EML4: variants seen among roughly 807,000 people sequenced by gnomAD.
EML4 encodes the protein echinoderm microtubule-associated protein-like 4.
EML4 carries 72 observed loss-of-function variants against 129.0 expected under a neutral mutation model. That is an observed-to-expected ratio of 0.56 (90% CI 0.46 to 0.68). The LOEUF (loss-of-function observed/expected upper bound fraction) is 0.68, where lower values mean the gene tolerates loss of function less well. Ranked by LOEUF, EML4 falls within the 30% of genes least tolerant of loss-of-function variation. EML4 has a pLI of 0.00. For missense variants in EML4, 1,363 were observed against 1,190.6 expected, an observed-to-expected ratio of 1.14 and a Z score of -2.13; for synonymous variants, 532 against 405.0, an observed-to-expected ratio of 1.31 and a Z score of -3.77.
chr2:42,180,326 A>G (rs756065905), intron 1 of EML4, among the ~76,000 whole-genome samples: 1 of 152,234 alleles, frequency 6.6e-6, no homozygotes, highest in African/African-American at 2.4e-5. Context: ...AGATTTAGCC[A>G]ACAGACATAT....
At chr2:42,210,696 T>TA (rs1390227105) in intron 1 of EML4, among the ~76,000 whole-genome samples, 1 of 152,202 alleles carries the variant, frequency 6.6e-6, no homozygotes, top group African/African-American at 2.4e-5. Context: ...CACTTTGGGT[T>TA]AAGATCCAAT....
intron 1 of EML4, among the ~76,000 whole-genome samples, chr2:42,202,729 G>C (rs755703118): frequency 1.3e-5 from 2 of 152,110 alleles, no homozygotes; most frequent in Admixed American, 6.6e-5. Context: ...TGCCCACCCC[G>C]ATTGAGGGTA....
intron 22 of EML4, among the ~76,000 whole-genome samples, 174 bp downstream of exon 22, chr2:42,329,190 T>TC (rs1306867278): frequency 1.3e-5 from 2 of 152,180 alleles, no homozygotes; most frequent in Non-Finnish European, 2.9e-5. Flanking sequence ...TTCTCCCCCT[T>TC]CCTAAGGCTA....
Position 42,329,968 on chromosome 2 carries a change from T to A in EML4, c.2707T>A (p.Ser903Thr). 1 of 1,613,836 alleles carries A rather than the reference T, an allele frequency of 6.2e-7. No homozygotes were observed. The highest frequency in any genetic ancestry group is 8.5e-7 in the Non-Finnish European group (1 of 1,179,972). The change falls in exon 23 of 23, where the codon TCT becomes ACT. Residue 903 changes from serine (S) to threonine (T), a missense_variant. By Grantham distance (58) the Ser-to-Thr change is moderately conservative. Coordinates refer to ENST00000318522, the MANE Select transcript of EML4 (RefSeq NM_019063.5). ...IQSNTPTPPP[S>T]QPLNETAEEE... is the part of the protein sequence containing the mutation. ...ATCTAATACTCCCACACCGCCTCCT[T>A]CTCAGCCCTTAAATGAGACAGCTGA...
In EML4 at chr2:42,169,471, C is replaced by G; in HGVS notation, c.-141C>G. On this transcript the variant is annotated 5_prime_UTR_variant, in exon 1 of 23. Coordinates refer to ENST00000318522, the MANE Select transcript of EML4 (RefSeq NM_019063.5). The stretch of plus-strand genomic sequence containing the variant: ...GGCTTACTACCCCAGGGCGAACGGA[C>G]GGACGACGGAGGCGGGAGCCGGTAG... 1 of 973,548 alleles carries G rather than the reference C, an allele frequency of 1.0e-6. No homozygotes were observed. The highest frequency in any genetic ancestry group is 1.5e-6 in the Non-Finnish European group (1 of 680,572). The allele number at this position is 973,548 out of a possible 1,614,324, so 60.3% of individuals were successfully genotyped here. A position where few individuals can be genotyped will look rare whatever the true frequency, so the allele number is the denominator to read the frequency against.
intron 21 of EML4, 151 bp from the exon 22 acceptor site, chr2:42,328,735 C>T (rs1669939340): frequency 1.7e-6 from 1 of 594,412 alleles, no homozygotes; most frequent in Non-Finnish European, 2.7e-6. Flanking sequence ...ACAGTGTGAG[C>T]CACTGAGAAA....
chr2:42,169,668 G>C, intron 1 of EML4, 32 bp downstream of exon 1: 1 of 1,596,034 alleles, frequency 6.3e-7, no homozygotes, highest in Non-Finnish European at 8.5e-7. Flanking sequence ...TGCGTCTTCT[G>C]CGAAGGGTAG....
At chr2:42,264,572 T>A in intron 5 of EML4, 134 bp from the exon 6 acceptor site, 1 of 640,380 alleles carries the variant, frequency 1.6e-6, no homozygotes, top group Non-Finnish European at 2.8e-6. Flanking sequence ...AAATGCTGAT[T>A]TCTTACTTTC....
chr2:42,292,385 G>C (rs1667698369), intron 11 of EML4, among the ~76,000 whole-genome samples: 1 of 152,212 alleles, frequency 6.6e-6, no homozygotes, highest in African/African-American at 2.4e-5. Flanking sequence ...ATCAGCAGGA[G>C]AATGGTTAAG....
At chr2:42,250,414 C>T (rs1474608656) in intron 2 of EML4, among the ~76,000 whole-genome samples, 4 of 152,172 alleles carry the variant, frequency 2.6e-5, no homozygotes, top group Non-Finnish European at 4.4e-5. Flanking sequence ...TCGATAAGCA[C>T]ATTACCTCCA....
chr2:42,264,103 G>GGT (rs1324184671), intron 5 of EML4, among the ~76,000 whole-genome samples: 6 of 100,748 alleles, frequency 6.0e-5, no homozygotes, highest in South Asian at 3.4e-4. Flanking sequence ...AACAATACGT[G>GGT]TTTTTTTTTT....
chr2:42,279,508 A>T (rs1454789508), intron 6 of EML4, among the ~76,000 whole-genome samples: 34 of 150,562 alleles, frequency 2.3e-4, no homozygotes, highest in Non-Finnish European at 8.9e-5. Context: ...CCCAGGCTGG[A>T]GTGCAGTGGC....
chr2:42,199,037 A>C (rs1672061557), intron 1 of EML4, among the ~76,000 whole-genome samples: 1 of 152,206 alleles, frequency 6.6e-6, no homozygotes, highest in East Asian at 1.9e-4. Flanking sequence ...CTGGAGAGGG[A>C]ACACCTTGAA....
chr2:42,304,582 A>T (rs752534067), intron 17 of EML4, 31 bp downstream of exon 17: 4 of 1,524,882 alleles, frequency 2.6e-6, no homozygotes, highest in Non-Finnish European at 3.6e-6. Context: ...GAGTAATCTG[A>T]AGTGGTGGGA....
At chr2:42,236,428 C>G (rs773736655) in intron 1 of EML4, among the ~76,000 whole-genome samples, 1 of 152,146 alleles carries the variant, frequency 6.6e-6, no homozygotes, top group South Asian at 2.1e-4. Context: ...AGGAGTTTCT[C>G]TAGAACAGAG....
chr2:42,171,628 C>T (rs796452477), intron 1 of EML4, among the ~76,000 whole-genome samples: 36 of 152,256 alleles, frequency 2.4e-4, no homozygotes, highest in African/African-American at 8.7e-4. Flanking sequence ...CATTTGATGC[C>T]ATGCTTTGGG....
intron 1 of EML4, among the ~76,000 whole-genome samples, chr2:42,226,285 A>C (rs1468668800): frequency 6.6e-6 from 1 of 152,142 alleles, no homozygotes; most frequent in African/African-American, 2.4e-5. Flanking sequence ...GATGTTGGCC[A>C]GAAGACACAA....
In EML4 at chr2:42,295,164, A is replaced by G. The variant is rs1667871386; in HGVS notation, c.1258A>G (p.Thr420Ala). ...TGTTTTGGCTGTGGAGTTTCACCCA[A>G]CAGATGCAAATACCATAATTACATG... ...EVVLAVEFHP[T>A]DANTIITCGK... The change falls in exon 12 of 23, where the codon ACA becomes GCA. Residue 420 changes from threonine to alanine, a missense_variant. Physicochemically the swap from Thr to Ala is moderately conservative, Grantham distance 58. Transcript: ENST00000318522. 5.6e-6 allele frequency: 9 copies of G among 1,612,480 alleles called. No homozygotes were observed. Among genetic ancestry groups the G allele is most frequent in the African/African-American group, 1.3e-5 (1 of 74,868 alleles).
At chr2:42,315,212 T>C (rs1233064737) in intron 17 of EML4, among the ~76,000 whole-genome samples, 1 of 152,184 alleles carries the variant, frequency 6.6e-6, no homozygotes, top group Non-Finnish European at 1.5e-5. Context: ...TCTTACATCT[T>C]CCCTAAGGAT....
Sources: allele counts gnomAD v4.1 joint callset (sites outside exome capture counted in the v4.1 genomes callset), GRCh38; gene constraint gnomAD v4.1.1; transcripts MANE v1.5; gene names NCBI Gene and HGNC (gene_info 2026-07-23, HGNC 2026-07-21).